The following CSMD1 variants were observed in gnomAD, a reference collection of about 807,000 sequenced individuals.
CSMD1 encodes CUB and Sushi multiple domains 1, also known as CUB and sushi domain-containing protein 1.
In CSMD1, 213 loss-of-function variants were observed where a neutral mutation model predicts 417.5. The observed-to-expected ratio is 0.51, with a 90% CI of 0.46 to 0.57. CSMD1 has a LOEUF of 0.57. Among genes scored for constraint, CSMD1 ranks in the 20% least tolerant of loss-of-function variants. The pLI, the probability that CSMD1 is intolerant of heterozygous loss-of-function variation, is 0.00. For synonymous variants in CSMD1, 2,862 were observed against 1,736.8 expected, an observed-to-expected ratio of 1.65 and a Z score of -16.11; for missense variants, 6,923 against 4,529.7, an observed-to-expected ratio of 1.53 and a Z score of -15.17.
At chr8:3,895,917 G>C (rs1232037912) in intron 5 of CSMD1, among the ~76,000 whole-genome samples, 1 of 152,184 alleles carries the variant, frequency 6.6e-6, no homozygotes, top group African/African-American at 2.4e-5. Context: ...ACTCAGGTGG[G>C]AGAGGCACCA....
intron 5 of CSMD1, among the ~76,000 whole-genome samples, chr8:3,971,866 G>C (rs548812206): frequency 1.4e-4 from 22 of 152,172 alleles, no homozygotes; most frequent in African/African-American, 4.6e-4. Context: ...TATCTACTAG[G>C]TTTCTGTTTC....
At chr8:3,266,484 T>A (rs893123480) in intron 26 of CSMD1, among the ~76,000 whole-genome samples, 1 of 150,850 alleles carries the variant, frequency 6.6e-6, no homozygotes, top group Non-Finnish European at 1.5e-5. Context: ...TAGGCACCTG[T>A]AATCCCAGCT....
intron 3 of CSMD1, among the ~76,000 whole-genome samples, chr8:4,057,342 T>C (rs1798748345): frequency 6.6e-6 from 1 of 152,296 alleles, no homozygotes; most frequent in South Asian, 2.1e-4. Flanking sequence ...TTTTGAGAAG[T>C]GTCTGTTCAT....
rs114149488 is a variant in CSMD1 at position 3,191,583 on chromosome 8, T to C, written c.5195-1468A>G. ...AAACCCAGGGATATGGAATGACGTG[T>C]GTGTATCTCATGGGCTTTGGATAGT... is the stretch of plus-strand genomic sequence containing the variant. On this transcript the variant is annotated intron_variant, in intron 33 of 69. Coordinates refer to ENST00000635120, the MANE Select transcript of CSMD1 (RefSeq NM_033225.6). 2.1e-3 allele frequency among the ~76,000 whole-genome samples: 319 copies of C among 152,310 alleles called. 2 individuals are homozygous for C. The highest frequency in any genetic ancestry group is 7.4e-3 in the African/African-American group (308 of 41,574).
chr8:3,169,193 G>A (rs1274236327), intron 37 of CSMD1, among the ~76,000 whole-genome samples: 25 of 152,146 alleles, frequency 1.6e-4, no homozygotes, highest in Admixed American at 1.6e-3. Context: ...GCATCTCAGT[G>A]AATTACAGAC....
chr8:4,430,259 C>G (rs1408574650), intron 2 of CSMD1, among the ~76,000 whole-genome samples: 1 of 152,074 alleles, frequency 6.6e-6, no homozygotes, highest in Admixed American at 6.6e-5. Context: ...AAGAAATTTT[C>G]TAAAATCACA....
intron 37 of CSMD1, among the ~76,000 whole-genome samples, chr8:3,165,640 G>T (rs925595515): frequency 1.3e-5 from 2 of 151,960 alleles, no homozygotes; most frequent in Non-Finnish European, 2.9e-5. Context: ...CACCATGTTA[G>T]CCAGGGTGGT....
intron 1 of CSMD1, among the ~76,000 whole-genome samples, chr8:4,653,613 C>T (rs1804045734): frequency 6.6e-6 from 1 of 152,074 alleles, no homozygotes; most frequent in African/African-American, 2.4e-5. Context: ...CAGATAACCA[C>T]CAGTGACAGA....
At chr8:3,984,503 G>C (rs1176684417) in intron 5 of CSMD1, among the ~76,000 whole-genome samples, 1 of 151,672 alleles carries the variant, frequency 6.6e-6, no homozygotes. Context: ...AGCTCATTTT[G>C]AATCCAGCAG....
chr8:4,262,381 A>C (rs896060839), intron 3 of CSMD1, among the ~76,000 whole-genome samples: 1 of 152,176 alleles, frequency 6.6e-6, no homozygotes, highest in African/African-American at 2.4e-5. Context: ...GGCTGAAAGG[A>C]ATCCCAAACC....
chr8:4,731,897 T>C (rs571368816), intron 1 of CSMD1, among the ~76,000 whole-genome samples: 3 of 152,236 alleles, frequency 2.0e-5, no homozygotes, highest in East Asian at 3.9e-4. Flanking sequence ...TCTTCTAATA[T>C]TACATTCTTA....
chr8:3,798,635 A>G (rs1315998854), intron 5 of CSMD1, among the ~76,000 whole-genome samples: 1 of 152,156 alleles, frequency 6.6e-6, no homozygotes, highest in Non-Finnish European at 1.5e-5. Flanking sequence ...TACTCATGCT[A>G]TATAAAAAAT....
chr8:3,735,730 C>A (rs1361809158), intron 6 of CSMD1, among the ~76,000 whole-genome samples: 1 of 152,198 alleles, frequency 6.6e-6, no homozygotes, highest in Non-Finnish European at 1.5e-5. Context: ...TCGTTTGGAG[C>A]AAGGCCTACC....
chr8:3,289,970 T>G (rs181176375), intron 25 of CSMD1, among the ~76,000 whole-genome samples: 2 of 147,770 alleles, frequency 1.4e-5, no homozygotes, highest in African/African-American at 5.3e-5. Flanking sequence ...GTCTAACATT[T>G]AAGTCTTTAA....
chr8:4,975,391 T>C (rs543781169), intron 1 of CSMD1, among the ~76,000 whole-genome samples: 36 of 152,352 alleles, frequency 2.4e-4, no homozygotes, highest in Admixed American at 1.2e-3. Context: ...TTTTACTTCC[T>C]GGCTGTAAGC....
At position 4,528,243 on chromosome 8, in the gene CSMD1, G is replaced by C. The variant is rs778055034; in HGVS notation, c.303-108178C>G. On this transcript the variant is annotated intron_variant, in intron 2 of 69. Transcript: ENST00000635120. ...ATCTTCAGTGATAAGACAATATCTA[G>C]ACAGGAGTAGCCCCACAAGTCCAAT... Among the ~76,000 whole-genome samples the C allele has an allele frequency of 2.0e-5, 3 of 152,040 alleles. No individual in the cohort carries two copies. In the South Asian group the frequency reaches 6.2e-4, roughly 32 times the overall value.
intron 1 of CSMD1, among the ~76,000 whole-genome samples, chr8:4,870,024 G>A (rs558654895): frequency 3.3e-5 from 5 of 152,090 alleles, no homozygotes; most frequent in South Asian, 2.1e-4. Context: ...ATGGACAACC[G>A]TAAAGTATGT....
chr8:4,823,500 A>G (rs557223350), intron 1 of CSMD1, among the ~76,000 whole-genome samples: 3 of 152,162 alleles, frequency 2.0e-5, no homozygotes, highest in South Asian at 4.1e-4. Context: ...AATGCATATA[A>G]ACTCACTTGC....
At chr8:3,623,623 G>C (rs1019409553) in intron 7 of CSMD1, among the ~76,000 whole-genome samples, 3 of 152,138 alleles carry the variant, frequency 2.0e-5, no homozygotes, top group African/African-American at 7.2e-5. Flanking sequence ...ATCAGGCTAT[G>C]AATTGTTAAT....
Sources: gnomAD v4.1 joint callset for allele counts (sites outside exome capture counted in the v4.1 genomes callset) on GRCh38, gnomAD v4.1.1 for gene constraint, MANE v1.5 for transcripts, NCBI Gene and HGNC (gene_info 2026-07-23, HGNC 2026-07-21) for gene names.